REDIC1: variants seen among roughly 807,000 people sequenced by gnomAD.
The protein encoded by REDIC1 is regulator of DNA class I crossover intermediates 1.
At chr12:39,706,985 G>A in the REDIC1 span, among the ~76,000 whole-genome samples, 1 of 151,692 alleles carries the variant, frequency 6.6e-6, no homozygotes, top group Admixed American at 6.6e-5. Context: ...GGGAACCAAA[G>A]CAAAAATGGA....
the REDIC1 span, among the ~76,000 whole-genome samples, chr12:39,679,361 C>T: frequency 6.6e-6 from 1 of 152,150 alleles, no homozygotes; most frequent in Non-Finnish European, 1.5e-5. Context: ...TATACATCAA[C>T]ACTGAATAAG....
At chr12:39,738,449 C>G in the REDIC1 span, among the ~76,000 whole-genome samples, 1 of 152,172 alleles carries the variant, frequency 6.6e-6, no homozygotes, top group Non-Finnish European at 1.5e-5. Flanking sequence ...TAAATAGCAT[C>G]TGAGGAGACT....
At chr12:39,762,182 C>A in the REDIC1 span, among the ~76,000 whole-genome samples, 1 of 152,000 alleles carries the variant, frequency 6.6e-6, no homozygotes, top group Non-Finnish European at 1.5e-5. Flanking sequence ...TGTGGGCAGA[C>A]CTGGGAGGCT....
At chr12:39,664,696 T>A in the REDIC1 span, among the ~76,000 whole-genome samples, 1 of 152,206 alleles carries the variant, frequency 6.6e-6, no homozygotes, top group Non-Finnish European at 1.5e-5. Context: ...CCACCAACAG[T>A]ATAAAAGTGT....
chr12:39,670,071 G>A, the REDIC1 span, among the ~76,000 whole-genome samples: 17 of 152,106 alleles, frequency 1.1e-4, no homozygotes, highest in Non-Finnish European at 2.1e-4. Flanking sequence ...TGCACTTTCC[G>A]ACACTCCCCA....
At chr12:39,711,539 A>G in the REDIC1 span, among the ~76,000 whole-genome samples, 2 of 125,072 alleles carry the variant, frequency 1.6e-5, no homozygotes, top group South Asian at 5.3e-4. Context: ...GTATATACAT[A>G]TATGTATGTG....
chr12:39,823,852 T>A, the REDIC1 span, among the ~76,000 whole-genome samples: 1 of 152,214 alleles, frequency 6.6e-6, no homozygotes, highest in African/African-American at 2.4e-5. Context: ...TTTTAAATTG[T>A]TTTTTAGTGT....
the REDIC1 span, among the ~76,000 whole-genome samples, chr12:39,778,528 C>T: frequency 1.3e-5 from 2 of 152,146 alleles, no homozygotes; most frequent in African/African-American, 4.8e-5. Context: ...ATAACTTTAT[C>T]TCTTGATAAG....
At chr12:39,883,283 C>T in the REDIC1 span, among the ~76,000 whole-genome samples, 360 of 152,180 alleles carry the variant, frequency 2.4e-3, 1 homozygote, top group African/African-American at 8.0e-3. Context: ...TTTCTGAATA[C>T]GCCTCACCAC....
At chr12:39,802,690 TAC>T in the REDIC1 span, among the ~76,000 whole-genome samples, 1 of 152,140 alleles carries the variant, frequency 6.6e-6, no homozygotes, top group African/African-American at 2.4e-5. Context: ...TGTCTATGTA[TAC>T]ACACATAGTT....
the REDIC1 span, among the ~76,000 whole-genome samples, chr12:39,863,078 C>T: frequency 6.6e-6 from 1 of 152,142 alleles, no homozygotes; most frequent in Non-Finnish European, 1.5e-5. Context: ...TTCATATCCA[C>T]TGACTCCCGA....
the REDIC1 span, among the ~76,000 whole-genome samples, chr12:39,663,504 T>C: frequency 1.3e-5 from 2 of 152,074 alleles, no homozygotes; most frequent in Admixed American, 6.6e-5. Context: ...GTGGGTAGCA[T>C]ATAGTTGTGT....
chr12:39,888,039 C>G, the REDIC1 span, among the ~76,000 whole-genome samples: 3 of 152,150 alleles, frequency 2.0e-5, no homozygotes, highest in African/African-American at 4.8e-5. Flanking sequence ...TTAGACTGAT[C>G]TGGCAGATAT....
chr12:39,888,913 G>T, the REDIC1 span, among the ~76,000 whole-genome samples: 1 of 152,156 alleles, frequency 6.6e-6, no homozygotes, highest in South Asian at 2.1e-4. Context: ...AATTATTTCA[G>T]ATTTCAAATA....
the REDIC1 span, among the ~76,000 whole-genome samples, chr12:39,751,948 C>A: frequency 1.3e-5 from 2 of 151,962 alleles, no homozygotes; most frequent in Admixed American, 1.3e-4. Flanking sequence ...ATATACCTAA[C>A]GTAAATGATG....
At chr12:39,639,398 A>G in the REDIC1 span, among the ~76,000 whole-genome samples, 1 of 151,994 alleles carries the variant, frequency 6.6e-6, no homozygotes, top group Non-Finnish European at 1.5e-5. Flanking sequence ...TAGTTCTTGC[A>G]TGGGGGAACA....
chr12:39,714,159 A>G, the REDIC1 span, among the ~76,000 whole-genome samples: 1 of 8,490 alleles, frequency 1.2e-4, no homozygotes, highest in African/African-American at 2.0e-4. Flanking sequence ...ATATACATGC[A>G]TATATGCGTA....
chr12:39,703,510 C>G, the REDIC1 span, among the ~76,000 whole-genome samples: 1 of 151,312 alleles, frequency 6.6e-6, no homozygotes, highest in South Asian at 2.1e-4. Flanking sequence ...CCATACTGCC[C>G]AAGGTAATTT....
At chr12:39,657,145 G>A in the REDIC1 span, among the ~76,000 whole-genome samples, 1 of 152,072 alleles carries the variant, frequency 6.6e-6, no homozygotes. Context: ...TTCATGCTAC[G>A]TGTCCTTTGC....
Sources: allele counts gnomAD v4.1 joint callset (sites outside exome capture counted in the v4.1 genomes callset), GRCh38; gene constraint gnomAD v4.1.1; transcripts MANE v1.5; gene names NCBI Gene and HGNC (gene_info 2026-07-23, HGNC 2026-07-21).